Variants in POLR1E observed in about 807,000 individuals in gnomAD.
POLR1E encodes the protein RNA polymerase I subunit E.
POLR1E carries 37 observed loss-of-function variants against 50.9 expected under a neutral mutation model. The observed-to-expected ratio is 0.73, with a 90% CI of 0.56 to 0.96. POLR1E has a LOEUF of 0.96. Ranked by LOEUF, POLR1E falls within the 40% of genes least tolerant of loss-of-function variation. The probability of loss-of-function intolerance (pLI) is 0.00; values close to 1 mark genes in which losing one functional copy is unlikely to be tolerated. For synonymous variants in POLR1E, 166 were observed against 191.6 expected (o/e 0.87, Z 1.10); for missense variants, 426 against 518.1 (o/e 0.82, Z 1.73).
Position 37,493,774 on chromosome 9 carries a change from C to G in POLR1E, c.547+71C>G, listed in dbSNP as rs1820737547. The G allele has an allele frequency of 8.0e-6, 11 of 1,376,056 alleles. No homozygotes were observed. In the East Asian group the frequency reaches 2.9e-4, roughly 36 times the overall value. The allele number at this position is 1,376,056 out of a possible 1,614,324, so 85.2% of individuals were successfully genotyped here. A position where few individuals can be genotyped will look rare whatever the true frequency, so the allele number is the denominator to read the frequency against. The stretch of plus-strand genomic sequence containing the variant: ...TTTCTCTTCTCTTGAGATCTTTTAC[C>G]CACCCACACATGGAATGCTGGGAGC... On this transcript the variant is annotated intron_variant, in intron 6 of 11. Transcript: ENST00000377798.
chr9:37,503,201 A>C lies in POLR1E; in HGVS notation c.1259A>C (p.Ter420SerextTer28). 6.2e-7 allele frequency: 1 copy of C among 1,602,756 alleles called. No homozygotes were observed. The highest frequency in any genetic ancestry group is 8.5e-7 in the Non-Finnish European group (1 of 1,175,270). ...CTGGCAAAGCGGAGGAAGATTACCT[A>C]GACGCATGCTTTCCAGACAGGGCGT... is the stretch of plus-strand genomic sequence containing the variant. ...DRLAKRRKIT[*>S] The change falls in exon 12 of 12, where the codon TAG becomes TCG. Residue 420 changes from the stop codon to serine, a stop_lost. Transcript: ENST00000377798.
At position 37,497,928 on chromosome 9, in the gene POLR1E, C is replaced by T. The variant is rs181753241; in HGVS notation, c.753-163C>T. Among the ~76,000 whole-genome samples, 50 of 152,164 alleles carry T rather than the reference C, an allele frequency of 3.3e-4. 1 individual carries two copies. The East Asian group carries it at 4.1e-3, about 12-fold the overall frequency. On this transcript the variant is annotated intron_variant, in intron 8 of 11. Transcript: ENST00000377798. ...CACACATGTGCCACCATGCCGGCTA[C>T]GTTTTTGTAGAGATGGGGTCTTGCC... is the stretch of plus-strand genomic sequence containing the variant.
intron 8 of POLR1E, among the ~76,000 whole-genome samples, chr9:37,496,419 A>C (rs1047276571): frequency 6.6e-6 from 1 of 152,102 alleles, no homozygotes; most frequent in Non-Finnish European, 1.5e-5. Flanking sequence ...ATTTTAAATA[A>C]TTCAGAGATT....
chr9:37,489,255 C>T (rs1820635115), intron 3 of POLR1E, 60 bp from the exon 4 acceptor site: 1 of 1,297,940 alleles, frequency 7.7e-7, no homozygotes. Context: ...AAAAAGAAAG[C>T]TGTACAAATA....
chr9:37,488,796 C>G (rs1379311830), intron 3 of POLR1E, among the ~76,000 whole-genome samples: 1 of 151,898 alleles, frequency 6.6e-6, no homozygotes, highest in Non-Finnish European at 1.5e-5. Flanking sequence ...CCAGAACCAC[C>G]TCATATCCTC....
intron 8 of POLR1E, among the ~76,000 whole-genome samples, chr9:37,496,586 A>T (rs1588804039): frequency 7.2e-6 from 1 of 139,110 alleles, no homozygotes; most frequent in African/African-American, 2.7e-5. Flanking sequence ...TTTACTGGTC[A>T]TTGAAATCCA....
At chr9:37,492,133 A>T (rs10814561) in intron 4 of POLR1E, 109,230 of 502,150 alleles carry the variant, frequency 0.22, 12,571 homozygotes, top group Admixed American at 0.28. Context: ...AGATGACCTT[A>T]TCAGGGGTGA....
At chr9:37,502,929 T>G in intron 11 of POLR1E, 114 bp from the exon 12 acceptor site, 1 of 1,172,702 alleles carries the variant, frequency 8.5e-7, no homozygotes, top group Non-Finnish European at 1.2e-6. Context: ...CTGGCAACCT[T>G]TGGGATTCTG....
chr9:37,497,674 C>G (rs1281014421), intron 8 of POLR1E, among the ~76,000 whole-genome samples: 1 of 152,220 alleles, frequency 6.6e-6, no homozygotes, highest in Non-Finnish European at 1.5e-5. Flanking sequence ...TATTTACTGT[C>G]TAGCCCTTTA....
chr9:37,492,115 C>A (rs1820696722), intron 4 of POLR1E, among the ~76,000 whole-genome samples: 1 of 152,068 alleles, frequency 6.6e-6, no homozygotes, highest in Non-Finnish European at 1.5e-5. Context: ...GAAACTGGCA[C>A]AGAGGTTAGA....
chr9:37,501,888 G>A, intron 11 of POLR1E, 44 bp downstream of exon 11: 2 of 1,579,262 alleles, frequency 1.3e-6, no homozygotes, highest in South Asian at 1.2e-5. Flanking sequence ...GTGTCTCGAT[G>A]TCTTATTTCT....
chr9:37,497,382 G>T (rs1479005658), intron 8 of POLR1E, among the ~76,000 whole-genome samples: 1 of 152,058 alleles, frequency 6.6e-6, no homozygotes, highest in Non-Finnish European at 1.5e-5. Context: ...AACAAAAAAA[G>T]AAACTTGCCT....
chr9:37,499,937 A>G (rs10814569), intron 9 of POLR1E, among the ~76,000 whole-genome samples: 41,831 of 144,746 alleles, frequency 0.29, 6,408 homozygotes, highest in African/African-American at 0.42. Flanking sequence ...TGCAACCTCC[A>G]CCTACTGGGT....
At chr9:37,494,794 C>A (rs1440898019) in intron 6 of POLR1E, among the ~76,000 whole-genome samples, 1 of 152,170 alleles carries the variant, frequency 6.6e-6, no homozygotes, top group African/African-American at 2.4e-5. Flanking sequence ...TTTTGTTCCA[C>A]CTACAATGTG....
chr9:37,490,506 G>A, intron 4 of POLR1E: 1 of 813,822 alleles, frequency 1.2e-6, no homozygotes, highest in South Asian at 1.3e-5. Flanking sequence ...TCTGGGTGGA[G>A]CAGGCTGGCG....
At chr9:37,499,721 G>A (rs1486381369) in intron 9 of POLR1E, among the ~76,000 whole-genome samples, 16 of 151,770 alleles carry the variant, frequency 1.1e-4, no homozygotes, top group Admixed American at 9.8e-4. Flanking sequence ...TAGAGACGGG[G>A]TTTTTCCATG....
chr9:37,498,337 C>T (rs6476635), intron 9 of POLR1E, 113 bp downstream of exon 9: 432,318 of 1,183,654 alleles, frequency 0.37, 84,119 homozygotes, highest in African/African-American at 0.73. Context: ...CAAGTCTTTA[C>T]TGTCAACTGT....
At chr9:37,486,565 C>G in intron 1 of POLR1E, 138 bp from the exon 2 acceptor site, 1 of 1,602,856 alleles carries the variant, frequency 6.2e-7, no homozygotes, top group Non-Finnish European at 8.5e-7. Context: ...CTCCAGTTCC[C>G]TTTGGGTCAG....
At chr9:37,489,195 GCCACT>G in intron 3 of POLR1E, 115 bp from the exon 4 acceptor site, 1 of 654,694 alleles carries the variant, frequency 1.5e-6, no homozygotes, top group Non-Finnish European at 2.5e-6. Flanking sequence ...CCGAGATCAT[GCCACT>G]CCACTCCAGC....
Sources: allele counts gnomAD v4.1 joint callset (sites outside exome capture counted in the v4.1 genomes callset), GRCh38; gene constraint gnomAD v4.1.1; transcripts MANE v1.5; gene names NCBI Gene and HGNC (gene_info 2026-07-23, HGNC 2026-07-21).